LMBR1: variants seen among roughly 807,000 people sequenced by gnomAD.
LMBR1 encodes the protein limb development membrane protein 1, also known as limb region 1 protein homolog.
A neutral mutation model predicts 73.9 loss-of-function variants in LMBR1; 52 were observed. The observed-to-expected ratio is 0.70, with a 90% CI of 0.56 to 0.89. LMBR1 has a LOEUF of 0.89. Among genes scored for constraint, LMBR1 ranks in the 40% least tolerant of loss-of-function variants. The pLI, the probability that LMBR1 is intolerant of heterozygous loss-of-function variation, is 0.00. For synonymous variants in LMBR1, 215 were observed against 209.4 expected (o/e 1.03, Z -0.23); for missense variants, 539 against 579.8 (o/e 0.93, Z 0.72).
At chr7:156,705,041 A>G (rs530711875) in intron 15 of LMBR1, among the ~76,000 whole-genome samples, 4 of 152,324 alleles carry the variant, frequency 2.6e-5, no homozygotes, top group Admixed American at 2.0e-4. Context: ...TGGTGAAAAG[A>G]TCCCAAGTAT....
rs369398744 is a variant in LMBR1, at chr7:156,720,491, T to C, written c.1225+3621A>G. On this transcript the variant is annotated intron_variant, in intron 15 of 16. Coordinates refer to ENST00000353442, the MANE Select transcript of LMBR1 (RefSeq NM_022458.4). ...ATATCAGGAATATGAGTTTTTATGG[T>C]GGTATCATGAGTTGCTCTCTTAACT... Among the ~76,000 whole-genome samples the C allele has an allele frequency of 2.1e-4, 32 of 152,190 alleles. No individual in the cohort carries two copies. In the East Asian group the frequency reaches 2.5e-3, roughly 12 times the overall value.
rs145158279 is a variant in LMBR1, at chr7:156,689,550, T to G, written c.1226-1359A>C. Among the ~76,000 whole-genome samples, 459 of 152,250 alleles carry G rather than the reference T, an allele frequency of 3.0e-3. 3 individuals carry two copies. The highest frequency in any genetic ancestry group is 0.011 in the African/African-American group (437 of 41,544). On this transcript the variant is annotated intron_variant, in intron 15 of 16. Transcript: ENST00000353442. The stretch of plus-strand genomic sequence containing the variant: ...CAACAGAAAAACCAAATACAAACAT[T>G]GTCATAAAAACAGGAGATCTCAAAA...
chr7:156,787,973 C>T (rs113163541), intron 5 of LMBR1, among the ~76,000 whole-genome samples: 12,475 of 152,238 alleles, frequency 0.082, 711 homozygotes, highest in African/African-American at 0.16. Flanking sequence ...GACAGTGTTT[C>T]ACCATGTTGC....
At chr7:156,883,433 G>A (rs1433078036) in intron 1 of LMBR1, among the ~76,000 whole-genome samples, 1 of 152,054 alleles carries the variant, frequency 6.6e-6, no homozygotes, top group African/African-American at 2.4e-5. Context: ...AGGAAGACAT[G>A]AAAAATTATC....
At chr7:156,821,527 A>C (rs1400424929) in intron 4 of LMBR1, among the ~76,000 whole-genome samples, 10 of 152,254 alleles carry the variant, frequency 6.6e-5, no homozygotes, top group Admixed American at 6.5e-4. Context: ...CAAATGTGTG[A>C]TTATTACATA....
At chr7:156,862,431 C>T (rs1166620214) in intron 1 of LMBR1, among the ~76,000 whole-genome samples, 2 of 150,786 alleles carry the variant, frequency 1.3e-5, no homozygotes, top group South Asian at 2.1e-4. Flanking sequence ...CACAGCCAAA[C>T]GATATTGTGG....
chr7:156,727,860 T>C, intron 12 of LMBR1, 70 bp downstream of exon 12: 1 of 1,045,420 alleles, frequency 9.6e-7, no homozygotes, highest in Non-Finnish European at 1.5e-6. Flanking sequence ...ATTTGCTTAC[T>C]TGAAATACTC....
chr7:156,671,849 A>T lies in LMBR1; in HGVS notation n.867-2562T>A, dbSNP rs189336546. ...CTGAGGCTAGAAATAAATTTTTTTT[A>T]AAAAAATAGAACTATCTCACGTTTG... is the stretch of plus-strand genomic sequence containing the variant. On this transcript the variant is annotated intron_variant and non_coding_transcript_variant, in intron 4 of 4. Coordinates refer to the LMBR1 transcript ENST00000430825. Among the ~76,000 whole-genome samples the T allele has an allele frequency of 5.3e-3, 749 of 140,886 alleles. 4 individuals are homozygous for T. The highest frequency in any genetic ancestry group is 0.017 in the African/African-American group (627 of 36,814). 92.4% of individuals were successfully genotyped at this position (140,886 alleles called of 152,430 possible). A position where few individuals can be genotyped will look rare whatever the true frequency, so the allele number is the denominator to read the frequency against.
intron 4 of LMBR1, among the ~76,000 whole-genome samples, chr7:156,671,688 G>A (rs1802576038): frequency 6.6e-6 from 1 of 152,164 alleles, no homozygotes; most frequent in Non-Finnish European, 1.5e-5. Context: ...CCCAGCTCAT[G>A]AGCACAGTCC....
chr7:156,677,609 T>C (rs541450870), downstream of LMBR1, among the ~76,000 whole-genome samples: 3 of 152,158 alleles, frequency 2.0e-5, no homozygotes, highest in Non-Finnish European at 4.4e-5. Flanking sequence ...CAAGTGGGTG[T>C]GCACATGGCA....
At chr7:156,885,070 G>T (rs773547073) in intron 1 of LMBR1, among the ~76,000 whole-genome samples, 1 of 152,222 alleles carries the variant, frequency 6.6e-6, no homozygotes, top group Non-Finnish European at 1.5e-5. Context: ...TCCCAGTCTG[G>T]CTGGGCACGG....
rs577676833 is a variant in LMBR1, at chr7:156,824,392, G to A, written c.319+2213C>T. Reference sequence around the variant, plus strand: ...AAGAGACAGGAAATAAGACAAATAAGTATATTTATCTTACATATAAAACTA... The same window carrying A: ...AAGAGACAGGAAATAAGACAAATAAATATATTTATCTTACATATAAAACTA... On this transcript the variant is annotated intron_variant, in intron 4 of 16. Transcript: ENST00000353442. 7.9e-5 allele frequency among the ~76,000 whole-genome samples: 12 copies of A among 152,086 alleles called. No individual in the cohort carries two copies. In the East Asian group the frequency reaches 2.1e-3, roughly 27 times the overall value.
At chr7:156,828,030 G>A (rs920422067) in intron 3 of LMBR1, among the ~76,000 whole-genome samples, 3 of 152,180 alleles carry the variant, frequency 2.0e-5, no homozygotes, top group Admixed American at 6.5e-5. Flanking sequence ...CGACCAGCCA[G>A]CAAGCGGTCT....
intron 15 of LMBR1, among the ~76,000 whole-genome samples, chr7:156,699,374 C>T (rs1809101407): frequency 6.6e-6 from 1 of 151,872 alleles, no homozygotes; most frequent in Admixed American, 6.6e-5. Context: ...GAAACTGGAT[C>T]CCTTCCTTAC....
chr7:156,845,065 A>G (rs774219579), intron 1 of LMBR1, among the ~76,000 whole-genome samples: 2 of 152,204 alleles, frequency 1.3e-5, no homozygotes, highest in East Asian at 3.8e-4. Context: ...TGATGAGTAC[A>G]AAGTGGGTTC....
At chr7:156,675,206 A>G (rs1803574010), downstream of LMBR1, among the ~76,000 whole-genome samples, 1 of 152,230 alleles carries the variant, frequency 6.6e-6, no homozygotes, top group Non-Finnish European at 1.5e-5. Flanking sequence ...TTGGATGAGG[A>G]CACAGAGGTC....
chr7:156,693,722 ACTAAT>A (rs910945523), intron 15 of LMBR1, among the ~76,000 whole-genome samples: 29 of 152,226 alleles, frequency 1.9e-4, no homozygotes, highest in African/African-American at 6.3e-4. Context: ...TCAAAGAAAA[ACTAAT>A]ATGAACTCTT....
chr7:156,865,312 G>GA (rs992679236), intron 1 of LMBR1, among the ~76,000 whole-genome samples: 78 of 149,938 alleles, frequency 5.2e-4, no homozygotes, highest in African/African-American at 1.6e-3. Flanking sequence ...ATCTCAAAAA[G>GA]AAAAAAAAAT....
intron 2 of LMBR1, 54 bp from the exon 3 acceptor site, chr7:156,833,846 A>G: frequency 8.9e-7 from 1 of 1,122,008 alleles, no homozygotes; most frequent in Non-Finnish European, 1.3e-6. Flanking sequence ...AAAATGCGTC[A>G]TTAATTTATT....
Sources: allele counts gnomAD v4.1 joint callset (sites outside exome capture counted in the v4.1 genomes callset), GRCh38; gene constraint gnomAD v4.1.1; transcripts MANE v1.5; gene names NCBI Gene and HGNC (gene_info 2026-07-23, HGNC 2026-07-21).